Variants in MEIS1 observed in about 807,000 individuals in gnomAD.
MEIS1 encodes the protein homeobox protein Meis1.
In MEIS1, 5 loss-of-function variants were observed where a neutral mutation model predicts 50.8. The ratio of observed to expected loss-of-function variants is 0.10; its 90% CI spans 0.05 to 0.21. The LOEUF (loss-of-function observed/expected upper bound fraction) is 0.21, where lower values mean the gene tolerates loss of function less well. Among genes scored for constraint, MEIS1 ranks in the 10% least tolerant of loss-of-function variants. The pLI is 1.00. For missense variants in MEIS1, 318 were observed against 517.3 expected, an observed-to-expected ratio of 0.61 and a Z score of 3.74; for synonymous variants, 176 against 179.3, an observed-to-expected ratio of 0.98 and a Z score of 0.15.
At chr2:66,497,930 T>C (rs62144050) in intron 7 of MEIS1, among the ~76,000 whole-genome samples, 42,106 of 152,006 alleles carry the variant, frequency 0.28, 6,022 homozygotes, top group African/African-American at 0.31. Context: ...CTGCCACCCA[T>C]TGTTACTCTG....
At chr2:66,447,818 CCTCT>C (rs775021497) in intron 6 of MEIS1, among the ~76,000 whole-genome samples, 1 of 152,038 alleles carries the variant, frequency 6.6e-6, no homozygotes, top group Non-Finnish European at 1.5e-5. Flanking sequence ...GCGTAGCTTC[CCTCT>C]CTCTCTGTCT....
chr2:66,559,410 C>T (rs1675156236), intron 9 of MEIS1, among the ~76,000 whole-genome samples: 1 of 152,106 alleles, frequency 6.6e-6, no homozygotes, highest in Non-Finnish European at 1.5e-5. Context: ...ATTATCTGCT[C>T]ATCATATTTA....
intron 6 of MEIS1, among the ~76,000 whole-genome samples, chr2:66,446,869 T>C (rs1227664333): frequency 6.6e-6 from 1 of 152,280 alleles, no homozygotes; most frequent in Non-Finnish European, 1.5e-5. Flanking sequence ...CGGTGCGCTT[T>C]GGTTCCCAAG....
intron 7 of MEIS1, among the ~76,000 whole-genome samples, chr2:66,467,486 A>G (rs922577913): frequency 6.6e-6 from 1 of 151,584 alleles, no homozygotes; most frequent in Non-Finnish European, 1.5e-5. Context: ...AATCCCAGCT[A>G]CTCGGGAGGC....
At chr2:66,475,419 A>G (rs1672871269) in intron 7 of MEIS1, among the ~76,000 whole-genome samples, 1 of 150,756 alleles carries the variant, frequency 6.6e-6, no homozygotes, top group African/African-American at 2.4e-5. Context: ...AAATTAATAA[A>G]AGTTTATAGT....
intron 8 of MEIS1, among the ~76,000 whole-genome samples, chr2:66,527,659 T>C (rs1420371529): frequency 6.8e-6 from 1 of 147,782 alleles, no homozygotes; most frequent in Non-Finnish European, 1.5e-5. Flanking sequence ...GAGACAGGGA[T>C]CATGCTGGCA....
chr2:66,481,011 C>CA (rs1335935434), intron 7 of MEIS1, among the ~76,000 whole-genome samples: 3 of 150,622 alleles, frequency 2.0e-5, no homozygotes, highest in Admixed American at 6.6e-5. Flanking sequence ...AAAAAAAAAA[C>CA]AAAAAAACAA....
chr2:66,537,176 A>G (rs12469063), intron 8 of MEIS1, among the ~76,000 whole-genome samples: 28,223 of 152,174 alleles, frequency 0.19, 3,213 homozygotes, highest in East Asian at 0.28. Flanking sequence ...TGTGGCAGGC[A>G]TGATGCAGTG....
At position 66,505,468 on chromosome 2, in the gene MEIS1, C is replaced by T. The variant is rs77483556; in HGVS notation, c.743-6681C>T. 7.0e-3 allele frequency among the ~76,000 whole-genome samples: 1,058 copies of T among 152,068 alleles called. 10 individuals carry two copies. The highest frequency in any genetic ancestry group is 0.024 in the African/African-American group (1,001 of 41,474). On this transcript the variant is annotated intron_variant, in intron 7 of 12. Transcript: ENST00000272369. ...TTATGTCTTCAGGGAAAAGCTGATA[C>T]GATTACTTGAAAAAAAATCAAGGAA...
At chr2:66,503,185 C>T (rs950483379) in intron 7 of MEIS1, among the ~76,000 whole-genome samples, 8 of 152,094 alleles carry the variant, frequency 5.3e-5, no homozygotes, top group South Asian at 2.1e-4. Context: ...TATTAGGGCA[C>T]GCAATGGAGA....
intron 7 of MEIS1, among the ~76,000 whole-genome samples, chr2:66,506,769 A>G (rs1673693209): frequency 6.6e-6 from 1 of 152,210 alleles, no homozygotes; most frequent in South Asian, 2.1e-4. Flanking sequence ...TATCCTCTTA[A>G]CATACCATAG....
intron 7 of MEIS1, among the ~76,000 whole-genome samples, chr2:66,480,372 A>G (rs77080969): frequency 0.024 from 3,630 of 152,272 alleles, 148 homozygotes; most frequent in African/African-American, 0.082. Flanking sequence ...ACTAGTGACT[A>G]AAATTTCTCT....
At chr2:66,498,588 G>T (rs1000783695) in intron 7 of MEIS1, among the ~76,000 whole-genome samples, 1 of 152,172 alleles carries the variant, frequency 6.6e-6, no homozygotes, top group African/African-American at 2.4e-5. Flanking sequence ...TAGTCTTAGA[G>T]ATACCCATGA....
intron 7 of MEIS1, among the ~76,000 whole-genome samples, chr2:66,469,547 A>G (rs1672719327): frequency 1.3e-5 from 2 of 152,210 alleles, no homozygotes; most frequent in Admixed American, 6.5e-5. Context: ...AAGAAAAGTA[A>G]TAACAGCCCA....
chr2:66,531,903 A>T (rs1458090955), intron 8 of MEIS1, among the ~76,000 whole-genome samples: 1 of 152,014 alleles, frequency 6.6e-6, no homozygotes, highest in Non-Finnish European at 1.5e-5. Flanking sequence ...TCTGTTGTAT[A>T]CTAGAGTTTG....
At chr2:66,516,222 G>A (rs1673965616) in intron 8 of MEIS1, among the ~76,000 whole-genome samples, 1 of 152,128 alleles carries the variant, frequency 6.6e-6, no homozygotes, top group Non-Finnish European at 1.5e-5. Flanking sequence ...AAAATATGCA[G>A]TGACTATATT....
chr2:66,435,617 C>T lies in MEIS1; in HGVS notation c.-240C>T. The T allele has an allele frequency of 2.5e-6, 1 of 406,466 alleles. No homozygotes were observed. The highest frequency in any genetic ancestry group is 4.4e-5 in the Admixed American group (1 of 22,614). 25.2% of individuals were successfully genotyped at this position (406,466 alleles called of 1,614,324 possible). ...GAAGATCTGCTTTTTTTTGCCCCCG[C>T]TGCTGTCTTGGAAACGGAGCGCTTT... On this transcript the variant is annotated 5_prime_UTR_variant, in exon 1 of 13. Transcript: ENST00000272369.
intron 9 of MEIS1, among the ~76,000 whole-genome samples, chr2:66,563,120 A>G (rs1261162972): frequency 1.3e-5 from 2 of 152,170 alleles, no homozygotes; most frequent in Admixed American, 1.3e-4. Flanking sequence ...TTTAAGGGCT[A>G]TGTAATATTA....
intron 7 of MEIS1, among the ~76,000 whole-genome samples, chr2:66,492,711 G>T (rs1329155653): frequency 6.6e-6 from 1 of 152,208 alleles, no homozygotes; most frequent in Non-Finnish European, 1.5e-5. Context: ...AGATCTGGCT[G>T]TTCCATTCTG....
Sources: allele counts gnomAD v4.1 joint callset (sites outside exome capture counted in the v4.1 genomes callset), GRCh38; gene constraint gnomAD v4.1.1; transcripts MANE v1.5; gene names NCBI Gene and HGNC (gene_info 2026-07-23, HGNC 2026-07-21).